The following DENND2A variants were observed in gnomAD, a reference collection of about 807,000 sequenced individuals.
DENND2A encodes the protein DENN domain-containing protein 2A.
In DENND2A, 53 loss-of-function variants were observed where a neutral mutation model predicts 105.3. That is an observed-to-expected ratio of 0.50 (90% CI 0.40 to 0.63). DENND2A has a LOEUF of 0.63. Ranked by LOEUF, DENND2A falls within the 30% of genes least tolerant of loss-of-function variation. The pLI is 0.00. For synonymous variants in DENND2A, 522 were observed against 508.4 expected (o/e 1.03, Z -0.36); for missense variants, 1,138 against 1,279.6 (o/e 0.89, Z 1.69).
chr7:140,520,297 A>T (rs953913183), intron 18 of DENND2A, among the ~76,000 whole-genome samples: 5 of 146,662 alleles, frequency 3.4e-5, no homozygotes, highest in African/African-American at 1.3e-4. Flanking sequence ...CAAGAGTGAA[A>T]CTCCGTCGCA....
At position 140,585,730 on chromosome 7, in the gene DENND2A, G is replaced by C; in HGVS notation, c.1124-20C>G. ...GCGGATCTGTGTTCAAAGGCAATGT[G>C]TCAGGAACCTGGGAACACTGAGGAC... On this transcript the variant is annotated intron_variant, in intron 4 of 19. Coordinates refer to ENST00000496613, the MANE Select transcript of DENND2A (RefSeq NM_015689.5). 1 of 1,614,098 alleles carries C rather than the reference G, an allele frequency of 6.2e-7. No individual in the cohort carries two copies. Among genetic ancestry groups the C allele is most frequent in the Non-Finnish European group, 8.5e-7 (1 of 1,179,972 alleles).
intron 1 of DENND2A, among the ~76,000 whole-genome samples, chr7:140,621,399 C>T (rs1681777): frequency 0.47 from 69,995 of 149,438 alleles, 17,498 homozygotes; most frequent in African/African-American, 0.68. Context: ...CTAAATGCTA[C>T]GTAAATAGTT....
At chr7:140,570,775 C>T (rs1242299975) in intron 6 of DENND2A, among the ~76,000 whole-genome samples, 1 of 152,262 alleles carries the variant, frequency 6.6e-6, no homozygotes, top group Non-Finnish European at 1.5e-5. Flanking sequence ...CCCTCCCCAC[C>T]TCCCAGGCCA....
At chr7:140,537,459 A>G (rs1267706345) in intron 14 of DENND2A, among the ~76,000 whole-genome samples, 2 of 151,978 alleles carry the variant, frequency 1.3e-5, no homozygotes, top group Non-Finnish European at 2.9e-5. Context: ...TTATTTTTTA[A>G]TTTGCTTTTT....
intron 5 of DENND2A, among the ~76,000 whole-genome samples, chr7:140,580,536 T>G (rs1432807914): frequency 6.6e-6 from 1 of 152,140 alleles, no homozygotes; most frequent in African/African-American, 2.4e-5. Flanking sequence ...ACCAGGCTGG[T>G]CTTGAATGCC....
chr7:140,583,798 C>T (rs975138146), intron 5 of DENND2A, among the ~76,000 whole-genome samples: 5 of 147,062 alleles, frequency 3.4e-5, no homozygotes, highest in Non-Finnish European at 5.9e-5. Context: ...TGGTGGCGGG[C>T]GCCTGTAGTC....
chr7:140,584,021 C>T (rs974808558), intron 5 of DENND2A, among the ~76,000 whole-genome samples: 3 of 148,422 alleles, frequency 2.0e-5, no homozygotes, highest in Admixed American at 6.6e-5. Context: ...GCGGGCGGAT[C>T]ACTTGAGGTC....
At chr7:140,604,593 AAGAG>A (rs1485929438) in intron 2 of DENND2A, among the ~76,000 whole-genome samples, 4 of 152,262 alleles carry the variant, frequency 2.6e-5, no homozygotes, top group African/African-American at 4.8e-5. Flanking sequence ...AGGCAAGATG[AAGAG>A]AGAGGACAGA....
At chr7:140,582,195 C>A (rs1417671906) in intron 5 of DENND2A, among the ~76,000 whole-genome samples, 1 of 152,092 alleles carries the variant, frequency 6.6e-6, no homozygotes. Context: ...AAACTCCTGA[C>A]CTCAGGTGAT....
chr7:140,542,754 C>T lies in DENND2A; in HGVS notation c.2327+1864G>A, dbSNP rs376386629. ...AATTCTTTTGTATTTTTAGTAGAGACGGGGTTTCACCATGTTGTTCAGGCT... is the reference window on the plus strand; with the variant it reads ...AATTCTTTTGTATTTTTAGTAGAGATGGGGTTTCACCATGTTGTTCAGGCT... On this transcript the variant is annotated intron_variant, in intron 14 of 19. Transcript: ENST00000496613. Among the ~76,000 whole-genome samples, 205 of 151,984 alleles carry T rather than the reference C, an allele frequency of 1.3e-3. 4 individuals carry two copies. In the South Asian group the frequency reaches 0.022, roughly 16 times the overall value.
chr7:140,521,171 C>T (rs1226422632), intron 18 of DENND2A, among the ~76,000 whole-genome samples: 3 of 151,438 alleles, frequency 2.0e-5, no homozygotes, highest in Non-Finnish European at 1.5e-5. Flanking sequence ...CCACCATGCC[C>T]GGCTTCCAGT....
At chr7:140,597,927 G>A (rs557277669) in intron 3 of DENND2A, among the ~76,000 whole-genome samples, 1 of 152,202 alleles carries the variant, frequency 6.6e-6, no homozygotes, top group South Asian at 2.1e-4. Flanking sequence ...ACATAAAGAA[G>A]GAAGCATCTA....
intron 14 of DENND2A, among the ~76,000 whole-genome samples, chr7:140,542,173 G>A (rs778636463): frequency 1.3e-5 from 2 of 152,034 alleles, no homozygotes; most frequent in Non-Finnish European, 1.5e-5. Context: ...CACCCCTCAC[G>A]CTTCTGTGCC....
intron 3 of DENND2A, among the ~76,000 whole-genome samples, chr7:140,593,193 C>T (rs527531835): frequency 5.9e-4 from 90 of 152,304 alleles, no homozygotes; most frequent in African/African-American, 2.1e-3. Context: ...CATTCCACAT[C>T]CCGCCTGCAA....
chr7:140,609,385 C>T (rs1392707272), intron 1 of DENND2A, among the ~76,000 whole-genome samples: 4 of 152,036 alleles, frequency 2.6e-5, no homozygotes, highest in Non-Finnish European at 2.9e-5. Flanking sequence ...TGGTGGTGGG[C>T]GCTTATAATC....
At chr7:140,572,838 G>C (rs1320968330) in intron 6 of DENND2A, among the ~76,000 whole-genome samples, 1 of 148,854 alleles carries the variant, frequency 6.7e-6, no homozygotes, top group Non-Finnish European at 1.5e-5. Flanking sequence ...CATATTAGTT[G>C]TTTTTAACTA....
chr7:140,635,847 G>C (rs1563192567), intron 1 of DENND2A, among the ~76,000 whole-genome samples: 1 of 152,186 alleles, frequency 6.6e-6, no homozygotes, highest in African/African-American at 2.4e-5. Context: ...GGCAAACTGA[G>C]GGCTGACGGA....
intron 14 of DENND2A, among the ~76,000 whole-genome samples, chr7:140,538,231 G>A (rs1036975114): frequency 6.6e-6 from 1 of 152,164 alleles, no homozygotes; most frequent in Admixed American, 6.6e-5. Context: ...TTGTGTTTGT[G>A]GGGGAGAGTG....
chr7:140,570,171 A>G lies in DENND2A; in HGVS notation c.1447-433T>C, dbSNP rs537890064. ...TGGCCTCCCAAAATGCTGGGATTAC[A>G]GGCGCGAGCCACCGCACCCAGCCCA... On this transcript the variant is annotated intron_variant, in intron 6 of 19. Transcript: ENST00000496613. Among the ~76,000 whole-genome samples, 162 of 152,314 alleles carry G rather than the reference A, an allele frequency of 1.1e-3. 3 individuals are homozygous for G. Among genetic ancestry groups the G allele is most frequent in the African/African-American group, 3.5e-3 (144 of 41,570 alleles).
Sources: allele counts gnomAD v4.1 joint callset (sites outside exome capture counted in the v4.1 genomes callset), GRCh38; gene constraint gnomAD v4.1.1; transcripts MANE v1.5; gene names NCBI Gene and HGNC (gene_info 2026-07-23, HGNC 2026-07-21).